OTOG: variants seen among roughly 807,000 people sequenced by gnomAD.
The protein encoded by OTOG is otogelin.
A neutral mutation model predicts 313.8 loss-of-function variants in OTOG; 296 were observed. That is an observed-to-expected ratio of 0.94 (90% CI 0.86 to 1.04). The LOEUF (loss-of-function observed/expected upper bound fraction) is 1.04. OTOG is among the 50% of genes least tolerant of loss of function. The probability of loss-of-function intolerance (pLI) is 0.00; values close to 1 mark genes in which losing one functional copy is unlikely to be tolerated. For synonymous variants in OTOG, 1,533 were observed against 1,554.9 expected (o/e 0.99, Z 0.33); for missense variants, 3,948 against 3,840.1 (o/e 1.03, Z -0.74).
At chr11:17,570,877 G>A (rs1852389670) in intron 17 of OTOG, among the ~76,000 whole-genome samples, 1 of 152,152 alleles carries the variant, frequency 6.6e-6, no homozygotes, top group Non-Finnish European at 1.5e-5. Context: ...TAACCCACCA[G>A]GCCAGTCTAA....
chr11:17,612,192 A>G lies in OTOG; in HGVS notation c.6154A>G (p.Ile2052Val), dbSNP rs1389968178. 6.5e-7 allele frequency: 1 copy of G among 1,549,814 alleles called. No homozygotes were observed. The highest frequency in any genetic ancestry group is 1.4e-5 in the African/African-American group (1 of 73,008). Residue 2052 changes from isoleucine to valine, a missense_variant, in exon 37 of 56, where the codon ATC becomes GTC. By Grantham distance (29) the Ile-to-Val change is conservative (BLOSUM62 3). Coordinates refer to ENST00000399397, the MANE Select transcript of OTOG (RefSeq NM_001292063.2). ...CGCCGAGCAGGACTGCGTCCGCCAC[A>G]TCTGCCTGGAGGGCCAGCTGATTCG... is the stretch of plus-strand genomic sequence containing the variant. ...PIAEQDCVRH[I>V]CLEGQLIRVN...
chr11:17,568,937 C>G (rs529130763), intron 15 of OTOG, among the ~76,000 whole-genome samples: 1 of 152,156 alleles, frequency 6.6e-6, no homozygotes, highest in African/African-American at 2.4e-5. Context: ...TTAGTGTTAT[C>G]GCATTCTGCT....
chr11:17,576,637 T>C lies in OTOG; in HGVS notation c.2561+7T>C. Reference sequence around the variant, plus strand: ...TCCCATCCCTGGGCCACTGGTGAGCTCCGTAGGTAGCAGCCTTCTTGTCCT... The same window carrying C: ...TCCCATCCCTGGGCCACTGGTGAGCCCCGTAGGTAGCAGCCTTCTTGTCCT... On this transcript the variant is annotated splice_region_variant and intron_variant, in intron 21 of 55. Coordinates refer to ENST00000399397, the MANE Select transcript of OTOG (RefSeq NM_001292063.2). The C allele has an allele frequency of 6.5e-7, 1 of 1,545,860 alleles. No homozygotes were observed. Among genetic ancestry groups the C allele is most frequent in the Non-Finnish European group, 8.8e-7 (1 of 1,142,622 alleles).
In OTOG at chr11:17,609,159, C is replaced by A. The variant is rs1438760960; in HGVS notation, c.4304C>A (p.Thr1435Asn). ...GAAGGCTGTGTCCCTGTGTGCCCCACCCCCCAGGTCCTGGATGAAGTCACA... is the reference window on the plus strand; with the variant it reads ...GAAGGCTGTGTCCCTGTGTGCCCCAACCCCCAGGTCCTGGATGAAGTCACA... ...RVEGCVPVCP[T>N]PQVLDEVTQR... The change falls in exon 35 of 56, where the codon ACC becomes AAC. Residue 1435 changes from threonine to asparagine, a missense_variant. Coordinates refer to ENST00000399397, the MANE Select transcript of OTOG (RefSeq NM_001292063.2). The A allele has an allele frequency of 1.3e-6, 2 of 1,550,082 alleles. No homozygotes were observed. The highest frequency in any genetic ancestry group is 2.4e-5 in the East Asian group (1 of 40,910).
rs759042084 is a variant in OTOG, at chr11:17,610,981, C to T, written c.5681C>T (p.Thr1894Met). ...TSGVLPVAEG[T>M]ASMVSVVPRK... ...GGAGTCCTGCCTGTGGCTGAGGGCACGGCCTCCATGGTATCTGTTGTCCCA... is the reference window on the plus strand; with the variant it reads ...GGAGTCCTGCCTGTGGCTGAGGGCATGGCCTCCATGGTATCTGTTGTCCCA... Residue 1894 changes from threonine (T) to methionine (M), a missense_variant, in exon 36 of 56, where the codon ACG becomes ATG. By Grantham distance (81) the Thr-to-Met change is moderately conservative. Transcript: ENST00000399397. 108 of 1,550,548 alleles carry T rather than the reference C, an allele frequency of 7.0e-5. 2 individuals carry two copies. The highest frequency in any genetic ancestry group is 4.5e-4 in the South Asian group (38 of 84,056).
intron 36 of OTOG, 143 bp from the exon 37 acceptor site, chr11:17,612,019 G>A (rs2134094348): frequency 2.0e-6 from 2 of 989,006 alleles, no homozygotes; most frequent in Non-Finnish European, 3.0e-6. Flanking sequence ...GCTTGTGGTG[G>A]GTAGGGGGTG....
chr11:17,566,196 A>G (rs190163708), intron 15 of OTOG, among the ~76,000 whole-genome samples: 3 of 152,356 alleles, frequency 2.0e-5, no homozygotes, highest in East Asian at 3.9e-4. Context: ...CATGGTATAT[A>G]GTATTTGCAT....
chr11:17,547,301 C>A lies in OTOG; in HGVS notation c.-72C>A. The A allele has an allele frequency of 7.2e-6, 9 of 1,247,346 alleles. No individual in the cohort carries two copies. Among genetic ancestry groups the A allele is most frequent in the Non-Finnish European group, 9.2e-6 (9 of 982,610 alleles). The allele number at this position is 1,247,346 out of a possible 1,614,324, so 77.3% of individuals were successfully genotyped here. ...CTCGGCTGCGGAGTGGAGGTGTGAC[C>A]CTGCCTTAGCCCGGGGAGGCACCTC... On this transcript the variant is annotated 5_prime_UTR_variant, in exon 1 of 56. Transcript: ENST00000399397.
In OTOG at chr11:17,609,735, A is replaced by C. The variant is rs1853477057; in HGVS notation, c.4435A>C (p.Ser1479Arg). 1 of 1,546,970 alleles carries C rather than the reference A, an allele frequency of 6.5e-7. No individual in the cohort carries two copies. The highest frequency in any genetic ancestry group is 1.2e-5 in the South Asian group (1 of 83,368). The change falls in exon 36 of 56, where the codon AGT (serine) becomes CGT (arginine). Residue 1479 changes from serine to arginine, a missense_variant. Coordinates refer to ENST00000399397, the MANE Select transcript of OTOG (RefSeq NM_001292063.2). ...LPPSQGLPTP[S>R]DEEPQLSQES... is the part of the protein sequence containing the mutation. ...TCCCAGTCAAGGGTTGCCCACTCCC[A>C]GTGATGAGGAGCCACAGCTGTCACA... is the stretch of plus-strand genomic sequence containing the variant.
intron 12 of OTOG, among the ~76,000 whole-genome samples, chr11:17,559,938 G>C (rs1427171011): frequency 6.6e-5 from 10 of 152,098 alleles, no homozygotes; most frequent in Admixed American, 6.5e-4. Context: ...GGGAAGGAAG[G>C]AAGGAAGGAG....
Position 17,559,909 on chromosome 11 carries a change from G to GAAAGAAGGAAGGGAGGAAGAA in OTOG, c.1342+249_1342+250insAGAAGGAAGGGAGGAAGAAAA, listed in dbSNP as rs371913412. Reference sequence around the variant, plus strand: ...GGGAGAGAGGGAGGGAGGGAGGAAGGAAGGAAAGAAGGAAGGGAGGGAAGG... The same window carrying GAAAGAAGGAAGGGAGGAAGAA: ...GGGAGAGAGGGAGGGAGGGAGGAAGGAAAGAAGGAAGGGAGGAAGAAAAGGAAAGAAGGAAGGGAGGGAAGG... On this transcript the variant is annotated intron_variant, in intron 12 of 55. Transcript: ENST00000399397. Among the ~76,000 whole-genome samples, 29,140 of 148,668 alleles carry GAAAGAAGGAAGGGAGGAAGAA rather than the reference G, an allele frequency of 0.2. 3,528 individuals are homozygous for GAAAGAAGGAAGGGAGGAAGAA. Among genetic ancestry groups the GAAAGAAGGAAGGGAGGAAGAA allele is most frequent in the African/African-American group, 0.34 (13,528 of 39,402 alleles).
At chr11:17,611,508 C>T (rs749695354) in intron 36 of OTOG, 85 bp downstream of exon 36, 14 of 1,311,716 alleles carry the variant, frequency 1.1e-5, no homozygotes, top group Middle Eastern at 2.1e-4. Flanking sequence ...GAGTTTTAGT[C>T]GCTATCCTCA....
intron 17 of OTOG, 36 bp downstream of exon 17, chr11:17,570,426 G>T: frequency 6.5e-7 from 1 of 1,545,698 alleles, no homozygotes; most frequent in East Asian, 2.4e-5. Flanking sequence ...AAGAAGAGGG[G>T]AAATGGGCCC....
chr11:17,612,897 C>T, intron 38 of OTOG, 132 bp downstream of exon 38: 1 of 1,108,492 alleles, frequency 9.0e-7, no homozygotes, highest in Non-Finnish European at 1.2e-6. Context: ...CCTCTGTCTC[C>T]AGGAATGGGC....
At chr11:17,565,442 C>T (rs1565095196) in intron 15 of OTOG, among the ~76,000 whole-genome samples, 1 of 152,142 alleles carries the variant, frequency 6.6e-6, no homozygotes, top group Non-Finnish European at 1.5e-5. Flanking sequence ...TGACCTTGAT[C>T]ATCTGGTGGA....
chr11:17,553,915 A>T (rs1438214987), intron 6 of OTOG, among the ~76,000 whole-genome samples: 2 of 152,154 alleles, frequency 1.3e-5, no homozygotes, highest in African/African-American at 4.8e-5. Flanking sequence ...TATGGAGGAG[A>T]AATGCCAAAT....
chr11:17,558,346 C>G (rs1266644972), intron 9 of OTOG, 31 bp downstream of exon 9: 17 of 1,548,056 alleles, frequency 1.1e-5, no homozygotes, highest in African/African-American at 1.4e-5. Context: ...CTCCCCTACC[C>G]TAGAGCCTGA....
chr11:17,634,174 C>A lies in OTOG; in HGVS notation c.7373C>A (p.Pro2458Gln). The A allele has an allele frequency of 1.3e-6, 2 of 1,550,266 alleles. No individual in the cohort carries two copies. The highest frequency in any genetic ancestry group is 1.2e-5 in the South Asian group (1 of 84,034). Residue 2458 changes from proline (P) to glutamine (Q), a missense_variant, in exon 44 of 56, where the codon CCG becomes CAG. Coordinates refer to ENST00000399397, the MANE Select transcript of OTOG (RefSeq NM_001292063.2). ...HQCQAPDTIV[P>Q]VDLGCPSPRP... is the part of the protein sequence containing the mutation. ...TGCCAAGCCCCAGACACCATTGTCC[C>A]GGTGGATCTGGGCTGCCCCAGTCCC... is the stretch of plus-strand genomic sequence containing the variant.
Position 17,560,822 on chromosome 11 carries a change from G to A in OTOG, c.1451+5G>A. 1 of 1,548,174 alleles carries A rather than the reference G, an allele frequency of 6.5e-7. No individual in the cohort carries two copies. Among genetic ancestry groups the A allele is most frequent in the Non-Finnish European group, 8.7e-7 (1 of 1,144,570 alleles). On this transcript the variant is annotated splice_donor_5th_base_variant and intron_variant, in intron 13 of 55. Coordinates refer to ENST00000399397, the MANE Select transcript of OTOG (RefSeq NM_001292063.2). ...GAAGGAAGACTGCAATACTTGGTCTGTGTCTGCTGCCGGGAAGCAGGGTGT... is the reference window on the plus strand; with the variant it reads ...GAAGGAAGACTGCAATACTTGGTCTATGTCTGCTGCCGGGAAGCAGGGTGT...
Sources: gnomAD v4.1 joint callset for allele counts (sites outside exome capture counted in the v4.1 genomes callset) on GRCh38, gnomAD v4.1.1 for gene constraint, MANE v1.5 for transcripts, NCBI Gene and HGNC (gene_info 2026-07-23, HGNC 2026-07-21) for gene names.